The following CPSF2 variants were observed in gnomAD, a reference collection of about 807,000 sequenced individuals.
The protein encoded by CPSF2 is cleavage and polyadenylation specificity factor subunit 2.
In CPSF2, 51 loss-of-function variants were observed where a neutral mutation model predicts 84.2. The ratio of observed to expected loss-of-function variants is 0.61; its 90% confidence interval spans 0.48 to 0.77. The LOEUF (loss-of-function observed/expected upper bound fraction) is 0.77. Among genes scored for constraint, CPSF2 ranks in the 30% least tolerant of loss-of-function variants. The probability of loss-of-function intolerance (pLI) is 0.00; values close to 1 mark genes in which losing one functional copy is unlikely to be tolerated. For missense variants in CPSF2, 641 were observed against 929.4 expected (o/e 0.69, Z 4.03); for synonymous variants, 286 against 311.9 (o/e 0.92, Z 0.87).
chr14:92,142,922 C>T (rs2069096539), intron 8 of CPSF2, 82 bp from the exon 9 acceptor site: 1 of 1,222,960 alleles, frequency 8.2e-7, no homozygotes, highest in Non-Finnish European at 1.1e-6. Context: ...AAAGATAGAA[C>T]TTGAATTCCT....
intron 7 of CPSF2, among the ~76,000 whole-genome samples, chr14:92,138,622 G>T (rs909386704): frequency 6.6e-6 from 1 of 152,082 alleles, no homozygotes; most frequent in Non-Finnish European, 1.5e-5. Context: ...TGGAGACAGG[G>T]TTTCTCCATG....
chr14:92,142,376 A>C, intron 8 of CPSF2, 25 bp downstream of exon 8: 1 of 1,577,654 alleles, frequency 6.3e-7, no homozygotes, highest in South Asian at 1.1e-5. Flanking sequence ...TGTCACTTGT[A>C]ATAAGTTTGC....
Position 92,159,224 on chromosome 14 carries a change from A to C in CPSF2, c.2063A>C (p.Lys688Thr). 1 of 1,613,586 alleles carries C rather than the reference A, an allele frequency of 6.2e-7. No homozygotes were observed. Among genetic ancestry groups the C allele is most frequent in the Non-Finnish European group, 8.5e-7 (1 of 1,179,770 alleles). The change falls in exon 14 of 16, where the codon AAA becomes ACA. Residue 688 changes from lysine (K) to threonine (T), a missense_variant. Transcript: ENST00000298875. ...AAAAGTCTGTTCGGAGATGATGAAA[A>C]AGAAACAGGTGAAGAAAGTGAGATC... ...AMKSLFGDDEKETGEESEIIP... is the reference protein window; with the variant it reads ...AMKSLFGDDETETGEESEIIP...
chr14:92,140,838 C>T (rs2069068912), intron 7 of CPSF2, among the ~76,000 whole-genome samples: 1 of 151,872 alleles, frequency 6.6e-6, no homozygotes, highest in South Asian at 2.1e-4. Flanking sequence ...TGCTTGAGGC[C>T]AGGAGGTTGA....
At chr14:92,156,766 G>A (rs889425103) in intron 12 of CPSF2, 135 bp downstream of exon 12, 12 of 460,002 alleles carry the variant, frequency 2.6e-5, no homozygotes, top group Admixed American at 1.7e-4. Flanking sequence ...ATTTATTTTT[G>A]TATGAAGAGA....
rs185358009 is a variant in CPSF2, at chr14:92,143,679, C to G, written c.1140+385C>G. 1.7e-3 allele frequency among the ~76,000 whole-genome samples: 252 copies of G among 152,292 alleles called. 1 individual carries two copies. Among genetic ancestry groups the G allele is most frequent in the Non-Finnish European group, 1.8e-3 (124 of 68,016 alleles). On this transcript the variant is annotated intron_variant, in intron 9 of 15. Transcript: ENST00000298875. The stretch of plus-strand genomic sequence containing the variant: ...AGAGTGCAGTGGTGCTATCATAGTT[C>G]CGTGCAGCCTCAAACTCCTGGGCTT...
rs1341329001 is a variant in CPSF2, at chr14:92,130,950, G to T, written c.-34-1G>T. 2.5e-6 allele frequency: 4 copies of T among 1,571,412 alleles called. No individual in the cohort carries two copies. Among genetic ancestry groups the T allele is most frequent in the Non-Finnish European group, 3.5e-6 (4 of 1,158,824 alleles). On this transcript the variant is annotated splice_acceptor_variant, in intron 2 of 15. Transcript: ENST00000298875. LOFTEE classifies it low-confidence loss of function (5UTR_SPLICE). ...AATTATGTTTTCATTTCATTTGAAA[G>T]ACTCTTCTAGCTTGCTGTTTCTGGA...
intron 2 of CPSF2, among the ~76,000 whole-genome samples, chr14:92,128,193 C>T (rs1475435683): frequency 6.6e-6 from 1 of 151,186 alleles, no homozygotes; most frequent in African/African-American, 2.4e-5. Flanking sequence ...TGAGATCTTG[C>T]CACTGTATAC....
rs2069488239 is a variant in CPSF2, at chr14:92,169,235, T to C, written c.*7491T>C. On this transcript the variant is annotated 3_prime_UTR_variant, in exon 16 of 16. Coordinates refer to ENST00000298875, the MANE Select transcript of CPSF2 (RefSeq NM_017437.3). ...CTTCAGGTCTATTTAATAAGCTTGT[T>C]AGGAATATTGTAAATTATTTTAGAA... 2 of 152,206 alleles carry C rather than the reference T, an allele frequency of 1.3e-5. No individual in the cohort carries two copies. Among genetic ancestry groups the C allele is most frequent in the South Asian group, 4.1e-4 (2 of 4,828 alleles). The allele number at this position is 152,206 out of a possible 1,614,324, so 9.4% of individuals were successfully genotyped here. A position where few individuals can be genotyped will look rare whatever the true frequency, so the allele number is the denominator to read the frequency against.
intron 9 of CPSF2, among the ~76,000 whole-genome samples, chr14:92,150,676 C>T (rs549915233): frequency 1.3e-5 from 2 of 152,094 alleles, no homozygotes; most frequent in Non-Finnish European, 2.9e-5. Flanking sequence ...CTCTCACCTC[C>T]GACTCCCAAA....
At chr14:92,136,931 T>G (rs576917707) in intron 6 of CPSF2, among the ~76,000 whole-genome samples, 1 of 152,218 alleles carries the variant, frequency 6.6e-6, no homozygotes, top group East Asian at 1.9e-4. Flanking sequence ...TGGAAAAGAC[T>G]TTGTAAGCAT....
Position 92,166,271 on chromosome 14 carries a change from A to G in CPSF2, c.*4527A>G, listed in dbSNP as rs1180454819. The G allele has an allele frequency of 2.0e-5, 3 of 150,670 alleles. No individual in the cohort carries two copies. Among genetic ancestry groups the G allele is most frequent in the Non-Finnish European group, 4.4e-5 (3 of 67,670 alleles). 9.3% of individuals were successfully genotyped at this position (150,670 alleles called of 1,614,324 possible). On this transcript the variant is annotated 3_prime_UTR_variant, in exon 16 of 16. Coordinates refer to ENST00000298875, the MANE Select transcript of CPSF2 (RefSeq NM_017437.3). ...TTCATCTAAAGTCATGAAGATTTACACTCTTTTTTTTTCTAACAGTTTTAC... is the reference window on the plus strand; with the variant it reads ...TTCATCTAAAGTCATGAAGATTTACGCTCTTTTTTTTTCTAACAGTTTTAC...
rs2069434690 is a variant in CPSF2 at position 92,165,676 on chromosome 14, T to A, written c.*3932T>A. 1 of 151,916 alleles carries A rather than the reference T, an allele frequency of 6.6e-6. No individual in the cohort carries two copies. The allele number at this position is 151,916 out of a possible 1,614,324, so 9.4% of individuals were successfully genotyped here. ...TATCTTTACTGTTGAGATGTAAGAG[T>A]TTTTTTATATATTTTCTGGATACTA... On this transcript the variant is annotated 3_prime_UTR_variant, in exon 16 of 16. Coordinates refer to ENST00000298875, the MANE Select transcript of CPSF2 (RefSeq NM_017437.3).
chr14:92,169,461 T>C lies in CPSF2; in HGVS notation c.*7717T>C, dbSNP rs1339210527. 2 of 152,210 alleles carry C rather than the reference T, an allele frequency of 1.3e-5. No homozygotes were observed. The highest frequency in any genetic ancestry group is 4.8e-5 in the African/African-American group (2 of 41,460). 9.4% of individuals were successfully genotyped at this position (152,210 alleles called of 1,614,324 possible). On this transcript the variant is annotated 3_prime_UTR_variant, in exon 16 of 16. Coordinates refer to ENST00000298875, the MANE Select transcript of CPSF2 (RefSeq NM_017437.3). ...GTAGTGGAATTATACTTTTATAAAG[T>C]ATCAAATTATGTAGATGATGACGAA...
rs1470973365 is a variant in CPSF2 at position 92,162,387 on chromosome 14, G to T, written c.*643G>T. The T allele has an allele frequency of 6.6e-6, 1 of 152,432 alleles. No homozygotes were observed. Among genetic ancestry groups the T allele is most frequent in the Non-Finnish European group, 1.5e-5 (1 of 68,016 alleles). 9.4% of individuals were successfully genotyped at this position (152,432 alleles called of 1,614,324 possible). ...CTTGTTTTATCAAGATTTTGTTGTG[G>T]CATTTCAATGTAAATTATAACACCA... On this transcript the variant is annotated 3_prime_UTR_variant, in exon 16 of 16. Coordinates refer to ENST00000298875, the MANE Select transcript of CPSF2 (RefSeq NM_017437.3).
At chr14:92,122,259 C>T (rs1165731825) in intron 1 of CPSF2, 131 bp downstream of exon 1, 3 of 270,452 alleles carry the variant, frequency 1.1e-5, no homozygotes, top group East Asian at 2.1e-4. Context: ...TCGGCTGCGA[C>T]TGTCCCGGTC....
chr14:92,144,393 C>T (rs1039295630), intron 9 of CPSF2, among the ~76,000 whole-genome samples: 5 of 152,168 alleles, frequency 3.3e-5, no homozygotes, highest in Non-Finnish European at 7.3e-5. Flanking sequence ...TATGGCTGAA[C>T]GGTCTCCAGT....
chr14:92,149,665 G>GTT (rs199720243), intron 9 of CPSF2, among the ~76,000 whole-genome samples: 1 of 150,706 alleles, frequency 6.6e-6, no homozygotes, highest in South Asian at 2.1e-4. Flanking sequence ...AAGTTTTTTT[G>GTT]TTTTTTTTTG....
chr14:92,123,473 A>G (rs949161460), intron 1 of CPSF2, among the ~76,000 whole-genome samples: 3 of 151,930 alleles, frequency 2.0e-5, no homozygotes, highest in African/African-American at 7.3e-5. Flanking sequence ...ATCTCAGCTC[A>G]CTGCAACTTC....
Sources: gnomAD v4.1 joint callset for allele counts (sites outside exome capture counted in the v4.1 genomes callset) on GRCh38, gnomAD v4.1.1 for gene constraint, MANE v1.5 for transcripts, NCBI Gene and HGNC (gene_info 2026-07-23, HGNC 2026-07-21) for gene names.